Variants in PKIB observed in about 807,000 individuals in gnomAD.
The protein encoded by PKIB is cAMP-dependent protein kinase inhibitor beta, also known as PKI-beta.
Under a neutral mutation model 4.5 loss-of-function variants are expected in PKIB, and 2 were observed. The observed-to-expected ratio is 0.44, with a 90% CI of 0.18 to 1.39. The LOEUF (loss-of-function observed/expected upper bound fraction) is 1.39. Ranked by LOEUF, PKIB falls within the 40% of genes most tolerant of loss-of-function variation. The pLI is 0.27. For missense variants in PKIB, 94 were observed against 92.6 expected, an observed-to-expected ratio of 1.02 and a Z score of -0.06; for synonymous variants, 38 against 36.0, an observed-to-expected ratio of 1.06 and a Z score of -0.20.
chr6:122,561,702 A>G (rs957036219), intron 2 of PKIB, among the ~76,000 whole-genome samples: 2 of 151,822 alleles, frequency 1.3e-5, no homozygotes, highest in African/African-American at 4.8e-5. Flanking sequence ...TGTTGCTTTA[A>G]AGTTTGTTTT....
chr6:122,656,308 A>C (rs565931956), intron 2 of PKIB, among the ~76,000 whole-genome samples: 2 of 152,308 alleles, frequency 1.3e-5, no homozygotes, highest in South Asian at 4.1e-4. Flanking sequence ...CAATTCTATA[A>C]ATCTCATTTT....
At chr6:122,670,498 TTTGTTG>T (rs61201088) in intron 2 of PKIB, among the ~76,000 whole-genome samples, 17 of 151,106 alleles carry the variant, frequency 1.1e-4, no homozygotes, top group South Asian at 4.2e-4. Context: ...ATCACATGTT[TTTGTTG>T]TTGTTGTTGT....
At chr6:122,659,477 A>T (rs1053967417) in intron 2 of PKIB, among the ~76,000 whole-genome samples, 1 of 152,146 alleles carries the variant, frequency 6.6e-6, no homozygotes, top group Non-Finnish European at 1.5e-5. Flanking sequence ...TTCTTATATG[A>T]TCTAGTTATA....
chr6:122,530,850 A>G (rs771458587), intron 2 of PKIB, among the ~76,000 whole-genome samples: 3 of 152,210 alleles, frequency 2.0e-5, no homozygotes, highest in Non-Finnish European at 2.9e-5. Context: ...TTGTTCTGCA[A>G]TATGCCATTT....
intron 1 of PKIB, among the ~76,000 whole-genome samples, chr6:122,614,402 T>C (rs894494373): frequency 2.6e-5 from 4 of 152,204 alleles, no homozygotes; most frequent in African/African-American, 9.6e-5. Context: ...TGAATGGAGC[T>C]GGATTCCTTC....
intron 1 of PKIB, among the ~76,000 whole-genome samples, chr6:122,618,114 T>A (rs1286257293): frequency 6.6e-6 from 1 of 152,172 alleles, no homozygotes; most frequent in Non-Finnish European, 1.5e-5. Flanking sequence ...GCTGAAAGGC[T>A]ACATTCTAAT....
intron 1 of PKIB, among the ~76,000 whole-genome samples, chr6:122,626,763 G>A (rs139743733): frequency 0.013 from 2,026 of 152,228 alleles, 23 homozygotes; most frequent in Non-Finnish European, 0.022. Flanking sequence ...TACAAAGGAA[G>A]CACTCAGTAA....
chr6:122,678,874 A>T (rs1777787811), intron 3 of PKIB, among the ~76,000 whole-genome samples: 1 of 152,192 alleles, frequency 6.6e-6, no homozygotes, highest in African/African-American at 2.4e-5. Flanking sequence ...AAACCACATG[A>T]AAATAGTGTA....
At chr6:122,533,144 CTTTTTATTTATTTATT>C (rs1398096845) in intron 2 of PKIB, among the ~76,000 whole-genome samples, 24 of 147,366 alleles carry the variant, frequency 1.6e-4, no homozygotes, top group East Asian at 4.0e-4. Context: ...ATGCACAAAA[CTTTTTATTTATTTATT>C]TATTTATTTA....
At chr6:122,511,000 C>CT in intron 2 of PKIB, among the ~76,000 whole-genome samples, 2 of 152,212 alleles carry the variant, frequency 1.3e-5, no homozygotes, top group East Asian at 3.9e-4. Context: ...TTTAGGGAGA[C>CT]TGGGGGGATT....
chr6:122,556,219 C>T (rs1435664606), intron 2 of PKIB, among the ~76,000 whole-genome samples: 4 of 152,122 alleles, frequency 2.6e-5, no homozygotes, highest in Admixed American at 6.6e-5. Flanking sequence ...TGAAGAAGGA[C>T]GTGTTTTCTT....
intron 2 of PKIB, among the ~76,000 whole-genome samples, chr6:122,539,880 A>G (rs550519348): frequency 1.3e-5 from 2 of 152,110 alleles, no homozygotes; most frequent in East Asian, 3.9e-4. Context: ...GTCTATTCAG[A>G]GATTCAACTT....
chr6:122,607,962 A>G (rs138180322), upstream of PKIB, among the ~76,000 whole-genome samples: 15 of 152,190 alleles, frequency 9.9e-5, 1 homozygote, highest in African/African-American at 3.4e-4. Flanking sequence ...TTTGTTATCA[A>G]ACTCACTCCT....
intron 2 of PKIB, among the ~76,000 whole-genome samples, chr6:122,557,958 C>T (rs1772895902): frequency 6.6e-6 from 1 of 152,152 alleles, no homozygotes; most frequent in Non-Finnish European, 1.5e-5. Flanking sequence ...TGGACTATCA[C>T]ATACCCTCCA....
At chr6:122,656,420 T>A (rs1316656833) in intron 2 of PKIB, among the ~76,000 whole-genome samples, 1 of 152,214 alleles carries the variant, frequency 6.6e-6, no homozygotes. Context: ...CTTAAGTATA[T>A]TTTAAATATA....
In PKIB at chr6:122,473,199, A is replaced by C. The variant is rs551341765; in HGVS notation, c.-337+1158A>C. Among the ~76,000 whole-genome samples, 18 of 152,378 alleles carry C rather than the reference A, an allele frequency of 1.2e-4. No individual in the cohort carries two copies. The East Asian group carries it at 3.5e-3, about 29-fold the overall frequency. On this transcript the variant is annotated intron_variant, in intron 1 of 6. Coordinates refer to the PKIB transcript ENST00000392491. ...TAATACGTTATTTATGGGAGAAGAG[A>C]ATCCTAGTATCTCAAGTCCTTAAAC... is the stretch of plus-strand genomic sequence containing the variant.
At chr6:122,570,497 G>A (rs1404270253) in intron 2 of PKIB, among the ~76,000 whole-genome samples, 1 of 152,122 alleles carries the variant, frequency 6.6e-6, no homozygotes, top group African/African-American at 2.4e-5. Flanking sequence ...CATACACCAT[G>A]GGAGAATGAG....
chr6:122,492,456 G>A (rs1051475772), intron 2 of PKIB, among the ~76,000 whole-genome samples: 3 of 152,148 alleles, frequency 2.0e-5, no homozygotes, highest in African/African-American at 7.2e-5. Flanking sequence ...TGGGACCAGC[G>A]ATAGCCTCAG....
In PKIB at chr6:122,667,325, G is replaced by A. The variant is rs528619382; in HGVS notation, c.-75-7753G>A. On this transcript the variant is annotated intron_variant, in intron 2 of 4. Coordinates refer to ENST00000368452, the MANE Select transcript of PKIB (RefSeq NM_181795.3). ...TGTAATCCCAGCACTTTGGGAGGCCGAGGAGATCGAGACCATCCTGGCTAA... is the reference window on the plus strand; with the variant it reads ...TGTAATCCCAGCACTTTGGGAGGCCAAGGAGATCGAGACCATCCTGGCTAA... Among the ~76,000 whole-genome samples, 4 of 152,204 alleles carry A rather than the reference G, an allele frequency of 2.6e-5. No homozygotes were observed. The East Asian group carries it at 5.8e-4, about 22-fold the overall frequency.
Sources: gnomAD v4.1 joint callset for allele counts (sites outside exome capture counted in the v4.1 genomes callset) on GRCh38, gnomAD v4.1.1 for gene constraint, MANE v1.5 for transcripts, NCBI Gene and HGNC (gene_info 2026-07-23, HGNC 2026-07-21) for gene names.